The following HNRNPM variants were observed in gnomAD, a reference collection of about 807,000 sequenced individuals.
HNRNPM encodes heterogeneous nuclear ribonucleoprotein M.
A neutral mutation model predicts 73.1 loss-of-function variants in HNRNPM; 11 were observed. That is an observed-to-expected ratio of 0.15 (90% CI 0.09 to 0.25). HNRNPM has a LOEUF of 0.25. Ranked by LOEUF, HNRNPM falls within the 10% of genes least tolerant of loss-of-function variation. The probability of loss-of-function intolerance (pLI) is 1.00; values close to 1 mark genes in which losing one functional copy is unlikely to be tolerated. For synonymous variants in HNRNPM, 407 were observed against 355.2 expected, an observed-to-expected ratio of 1.15 and a Z score of -1.64; for missense variants, 789 against 1,067.9, an observed-to-expected ratio of 0.74 and a Z score of 3.64.
chr19:8,488,388 CT>C (rs1971467296), intron 15 of HNRNPM: 2 of 283,012 alleles, frequency 7.1e-6, no homozygotes, highest in Non-Finnish European at 1.3e-5. Flanking sequence ...AAAATGAAGA[CT>C]TTGTAAAATG....
intron 12 of HNRNPM, among the ~76,000 whole-genome samples, chr19:8,480,750 C>T (rs370831657): frequency 5.6e-4 from 85 of 152,172 alleles, no homozygotes; most frequent in African/African-American, 2.0e-3. Context: ...TCTGCAGCAC[C>T]TCTCGCCTAA....
Position 8,486,213 on chromosome 19 carries a change from C to G in HNRNPM, c.1785C>G (p.Ala595=), listed in dbSNP as rs1016454769. Residue 595 remains alanine (A), a synonymous_variant, in exon 14 of 16, where the codon GCC becomes GCG. Transcript: ENST00000325495. ...ACAGCCTCGAGCGCATGGGCCCTGCCATGGGCCCGGCCCTGGGCGCTGGCA... is the reference window on the plus strand; with the variant it reads ...ACAGCCTCGAGCGCATGGGCCCTGCGATGGGCCCGGCCCTGGGCGCTGGCA... ...GANSLERMGP[A]MGPALGAGIE... The G allele has an allele frequency of 6.3e-7, 1 of 1,591,064 alleles. No homozygotes were observed. The highest frequency in any genetic ancestry group is 8.5e-7 in the Non-Finnish European group (1 of 1,169,594).
intron 10 of HNRNPM, among the ~76,000 whole-genome samples, chr19:8,472,601 G>A (rs1017790361): frequency 1.3e-5 from 2 of 152,130 alleles, no homozygotes; most frequent in Non-Finnish European, 2.9e-5. Context: ...TTATTGAGAC[G>A]GAATTTTGCT....
intron 2 of HNRNPM, among the ~76,000 whole-genome samples, chr19:8,457,780 T>A (rs1374861984): frequency 6.6e-6 from 1 of 152,240 alleles, no homozygotes; most frequent in East Asian, 1.9e-4. Context: ...TTTAAGTGGT[T>A]AGTTTAAATC....
At chr19:8,459,589 T>A (rs536307562) in intron 2 of HNRNPM, among the ~76,000 whole-genome samples, 1 of 152,214 alleles carries the variant, frequency 6.6e-6, no homozygotes, top group East Asian at 1.9e-4. Context: ...TAAAAAAAAA[T>A]ATATAGGTCT....
intron 2 of HNRNPM, among the ~76,000 whole-genome samples, chr19:8,456,908 T>G (rs552640888): frequency 2.0e-5 from 3 of 152,084 alleles, no homozygotes; most frequent in Non-Finnish European, 4.4e-5. Flanking sequence ...TGTCTGAGGG[T>G]GTGTCATGCT....
chr19:8,449,081 A>C (rs1968430572), intron 1 of HNRNPM, among the ~76,000 whole-genome samples: 1 of 152,222 alleles, frequency 6.6e-6, no homozygotes. Flanking sequence ...TATACAATGC[A>C]TTTGAGTGTT....
In HNRNPM at chr19:8,462,282, A is replaced by G. The variant is rs754140196; in HGVS notation, c.284-247A>G. ...GAGTCTTCCAGACAGGGAAATTGAT[A>G]CGGAAATCTGTGGAATAGCTTGTTT... is the stretch of plus-strand genomic sequence containing the variant. On this transcript the variant is annotated intron_variant, in intron 2 of 15. Coordinates refer to ENST00000325495, the MANE Select transcript of HNRNPM (RefSeq NM_005968.5). This position sits in a 1 kb window ranked among gnomAD's most constrained non-coding sequence, Gnocchi z 4.5. 4 of 467,908 alleles carry G rather than the reference A, an allele frequency of 8.5e-6. No homozygotes were observed. The highest frequency in any genetic ancestry group is 3.9e-5 in the African/African-American group (2 of 51,640). The allele number at this position is 467,908 out of a possible 1,614,324, so 29.0% of individuals were successfully genotyped here.
At chr19:8,446,240 C>T (rs1235859333) in intron 1 of HNRNPM, among the ~76,000 whole-genome samples, 1 of 152,200 alleles carries the variant, frequency 6.6e-6, no homozygotes, top group Non-Finnish European at 1.5e-5. Flanking sequence ...CTGTAACCGT[C>T]ACTGCTTCAT....
rs745698568 is a variant in HNRNPM, at chr19:8,473,645, T to C, written c.998-19T>C. On this transcript the variant is annotated intron_variant, in intron 10 of 15. Transcript: ENST00000325495. ...TGCTTTGACATAATTTTAGTTTGCATTGACTTTTTCTTTTTAAGGAATGGG... is the reference window on the plus strand; with the variant it reads ...TGCTTTGACATAATTTTAGTTTGCACTGACTTTTTCTTTTTAAGGAATGGG... 3 of 1,514,418 alleles carry C rather than the reference T, an allele frequency of 2.0e-6. No individual in the cohort carries two copies. The highest frequency in any genetic ancestry group is 2.3e-5 in the East Asian group (1 of 44,340). 93.8% of individuals were successfully genotyped at this position (1,514,418 alleles called of 1,614,324 possible).
chr19:8,450,345 AAG>A (rs1487372932), intron 1 of HNRNPM, among the ~76,000 whole-genome samples: 1 of 152,196 alleles, frequency 6.6e-6, no homozygotes, highest in East Asian at 1.9e-4. Context: ...TGGAGACCTT[AAG>A]AGAGGGTAGG....
At chr19:8,470,349 A>T (rs1162812451) in intron 9 of HNRNPM, among the ~76,000 whole-genome samples, 2 of 151,922 alleles carry the variant, frequency 1.3e-5, no homozygotes, top group South Asian at 2.1e-4. Context: ...TTTCTTTTTG[A>T]TGGAGTCTCG....
At chr19:8,483,587 T>G (rs1971070213) in intron 13 of HNRNPM, among the ~76,000 whole-genome samples, 1 of 152,170 alleles carries the variant, frequency 6.6e-6, no homozygotes, top group African/African-American at 2.4e-5. Context: ...GACTTGATGA[T>G]AAGACTGAAA....
At chr19:8,464,812 G>A (rs1443284743) in intron 5 of HNRNPM, among the ~76,000 whole-genome samples, 2 of 152,130 alleles carry the variant, frequency 1.3e-5, no homozygotes, top group Admixed American at 6.5e-5. Flanking sequence ...GAGCTTCACA[G>A]ACCTTCCCAG....
At chr19:8,452,776 A>T (rs1016339189) in intron 1 of HNRNPM, among the ~76,000 whole-genome samples, 5 of 152,180 alleles carry the variant, frequency 3.3e-5, no homozygotes, top group Admixed American at 6.5e-5. Context: ...CTCTGCTGGG[A>T]TACCACTTGG....
intron 12 of HNRNPM, among the ~76,000 whole-genome samples, chr19:8,482,195 G>A (rs1970969189): frequency 6.6e-6 from 1 of 152,158 alleles, no homozygotes; most frequent in South Asian, 2.1e-4. Flanking sequence ...GACCTCAGGT[G>A]ATCCACCCGC....
intron 11 of HNRNPM, 62 bp from the exon 12 acceptor site, chr19:8,474,105 C>A: frequency 8.2e-7 from 1 of 1,226,372 alleles, no homozygotes; most frequent in South Asian, 1.5e-5. Context: ...TAGAATTTTT[C>A]TTTCCCTGCT....
intron 1 of HNRNPM, among the ~76,000 whole-genome samples, chr19:8,452,838 A>G (rs1438698907): frequency 6.6e-6 from 1 of 152,120 alleles, no homozygotes; most frequent in East Asian, 1.9e-4. Context: ...AATTTTTCCA[A>G]GTAAATACGT....
intron 6 of HNRNPM, among the ~76,000 whole-genome samples, chr19:8,465,717 C>T (rs1969697119): frequency 1.3e-5 from 2 of 152,274 alleles, no homozygotes; most frequent in South Asian, 4.1e-4. Context: ...CTCGTTGGGG[C>T]TGTGATTCCT....
Sources: gnomAD v4.1 joint callset for allele counts (sites outside exome capture counted in the v4.1 genomes callset) on GRCh38, gnomAD v4.1.1 for gene constraint, Gnocchi (gnomAD v3.1) non-coding constraint, MANE v1.5 for transcripts, NCBI Gene and HGNC (gene_info 2026-07-23, HGNC 2026-07-21) for gene names.